The following CPQ variants were observed in gnomAD, a reference collection of about 807,000 sequenced individuals.
CPQ encodes the protein carboxypeptidase Q.
CPQ carries 37 observed loss-of-function variants against 45.7 expected under a neutral mutation model. The observed-to-expected ratio is 0.81, with a 90% CI of 0.62 to 1.07. The LOEUF (loss-of-function observed/expected upper bound fraction) is 1.07, where lower values mean the gene tolerates loss of function less well. CPQ is among the 50% of genes least tolerant of loss of function. CPQ has a pLI of 0.00. For missense variants in CPQ, 537 were observed against 572.9 expected (o/e 0.94, Z 0.64); for synonymous variants, 186 against 205.8 (o/e 0.90, Z 0.82).
At chr8:96,966,137 T>C (rs570779644) in intron 5 of CPQ, 91 bp downstream of exon 5, 6 of 882,772 alleles carry the variant, frequency 6.8e-6, no homozygotes, top group Middle Eastern at 3.4e-4. Flanking sequence ...TTAGTTACTA[T>C]GGTATGTTCA....
At chr8:96,725,530 T>G (rs542675117) in intron 1 of CPQ, among the ~76,000 whole-genome samples, 5 of 152,082 alleles carry the variant, frequency 3.3e-5, no homozygotes, top group Admixed American at 6.5e-5. Flanking sequence ...AAAAGCACGA[T>G]GAAATACCAT....
chr8:96,921,350 A>T (rs116850565), intron 4 of CPQ, among the ~76,000 whole-genome samples: 93 of 152,330 alleles, frequency 6.1e-4, no homozygotes, highest in Non-Finnish European at 9.9e-4. Context: ...CAAATTTGCC[A>T]ATCTCAAAAG....
intron 3 of CPQ, among the ~76,000 whole-genome samples, chr8:96,852,741 T>C (rs1811787778): frequency 6.6e-6 from 1 of 152,164 alleles, no homozygotes; most frequent in South Asian, 2.1e-4. Context: ...TGCCAGGACA[T>C]ACCAGATGGC....
intron 6 of CPQ, among the ~76,000 whole-genome samples, chr8:97,034,355 C>G (rs977309430): frequency 6.6e-6 from 1 of 152,172 alleles, no homozygotes; most frequent in East Asian, 1.9e-4. Context: ...TAAAAGATTT[C>G]TCTTCTTAAG....
At chr8:96,691,744 C>T (rs1809307865) in intron 1 of CPQ, among the ~76,000 whole-genome samples, 1 of 152,060 alleles carries the variant, frequency 6.6e-6, no homozygotes, top group South Asian at 2.1e-4. Context: ...CTTTGATAAG[C>T]TTGGGTAGAA....
chr8:96,700,139 G>T (rs1809436202), intron 1 of CPQ, among the ~76,000 whole-genome samples: 2 of 152,110 alleles, frequency 1.3e-5, no homozygotes, highest in Admixed American at 1.3e-4. Flanking sequence ...GTGAAGTATG[G>T]TGAAGGAAGA....
intron 5 of CPQ, among the ~76,000 whole-genome samples, chr8:97,012,089 A>G (rs1809496689): frequency 6.6e-6 from 1 of 152,212 alleles, no homozygotes; most frequent in Admixed American, 6.5e-5. Flanking sequence ...CTGGATTGTA[A>G]GTTTCATGAG....
At chr8:96,876,962 G>T (rs1386492650) in intron 3 of CPQ, among the ~76,000 whole-genome samples, 1 of 152,062 alleles carries the variant, frequency 6.6e-6, no homozygotes, top group Non-Finnish European at 1.5e-5. Context: ...GTTGAGAAGG[G>T]TTCCCTCCTC....
intron 4 of CPQ, among the ~76,000 whole-genome samples, chr8:96,943,638 GAGGAAATT>G (rs1813151196): frequency 6.6e-6 from 1 of 152,106 alleles, no homozygotes; most frequent in Admixed American, 6.6e-5. Flanking sequence ...TGAAATAATG[GAGGAAATT>G]AGGAATCTGA....
intron 6 of CPQ, among the ~76,000 whole-genome samples, chr8:97,030,779 C>T (rs1002773733): frequency 1.3e-5 from 2 of 152,168 alleles, no homozygotes; most frequent in African/African-American, 4.8e-5. Flanking sequence ...TGACGATTAA[C>T]TTGAATTATA....
At chr8:96,763,594 A>G (rs1249522023) in intron 1 of CPQ, among the ~76,000 whole-genome samples, 1 of 152,162 alleles carries the variant, frequency 6.6e-6, no homozygotes, top group Non-Finnish European at 1.5e-5. Context: ...AGTCACAGAC[A>G]GGGAGAATAT....
At chr8:96,841,708 T>C (rs879411043) in intron 3 of CPQ, among the ~76,000 whole-genome samples, 1 of 152,150 alleles carries the variant, frequency 6.6e-6, no homozygotes, top group Admixed American at 6.5e-5. Flanking sequence ...GTGTACTGTA[T>C]TGACAGAGTA....
At chr8:97,011,192 T>C (rs1203165339) in intron 5 of CPQ, among the ~76,000 whole-genome samples, 2 of 152,196 alleles carry the variant, frequency 1.3e-5, no homozygotes, top group African/African-American at 4.8e-5. Flanking sequence ...ATGTGGACAT[T>C]CCAATGTTGT....
chr8:96,670,383 T>A (rs1294391043), intron 1 of CPQ, among the ~76,000 whole-genome samples: 2 of 151,114 alleles, frequency 1.3e-5, no homozygotes, highest in Admixed American at 6.6e-5. Flanking sequence ...GCAATGCAAG[T>A]ATGATTTTGG....
At chr8:96,675,834 A>G (rs1809070524) in intron 1 of CPQ, among the ~76,000 whole-genome samples, 1 of 151,848 alleles carries the variant, frequency 6.6e-6, no homozygotes, top group Non-Finnish European at 1.5e-5. Context: ...CTGTTTATAT[A>G]TTTTCTTGCT....
chr8:96,843,820 A>T (rs1811649582), intron 3 of CPQ, among the ~76,000 whole-genome samples: 2 of 152,228 alleles, frequency 1.3e-5, no homozygotes. Context: ...AATCTCTGGA[A>T]TCTGAGAGGA....
intron 1 of CPQ, among the ~76,000 whole-genome samples, chr8:96,721,366 G>A (rs1279785850): frequency 6.6e-6 from 1 of 151,922 alleles, no homozygotes; most frequent in South Asian, 2.1e-4. Context: ...GTCTTACACT[G>A]CCCCCTTCCC....
chr8:96,703,931 C>T (rs1219965730), intron 1 of CPQ, among the ~76,000 whole-genome samples: 2 of 152,106 alleles, frequency 1.3e-5, no homozygotes, highest in African/African-American at 4.8e-5. Context: ...ATTTTGAAGA[C>T]GTGCTGGTGA....
chr8:96,905,376 TGTG>T (rs1257925677), intron 4 of CPQ, among the ~76,000 whole-genome samples: 1 of 152,138 alleles, frequency 6.6e-6, no homozygotes, highest in Non-Finnish European at 1.5e-5. Context: ...CCCATAAGCA[TGTG>T]GTTACAGATG....
Sources: allele counts gnomAD v4.1 joint callset (sites outside exome capture counted in the v4.1 genomes callset), GRCh38; gene constraint gnomAD v4.1.1; transcripts MANE v1.5; gene names NCBI Gene and HGNC (gene_info 2026-07-23, HGNC 2026-07-21).